Variants in DAOA observed in about 807,000 individuals in gnomAD.
The protein encoded by DAOA is D-amino acid oxidase regulator.
Under a neutral mutation model 16.4 loss-of-function variants are expected in DAOA, and 15 were observed. The ratio of observed to expected loss-of-function variants is 0.91; its 90% CI spans 0.61 to 1.41. The LOEUF is 1.41. DAOA is among the 40% of genes most tolerant of loss of function. DAOA has a pLI of 0.00. For synonymous variants in DAOA, 75 were observed against 59.1 expected (o/e 1.27, Z -1.23); for missense variants, 230 against 176.8 (o/e 1.30, Z -1.71).
At chr13:105,482,218 C>A (rs923618656) in intron 4 of DAOA, among the ~76,000 whole-genome samples, 5 of 152,158 alleles carry the variant, frequency 3.3e-5, no homozygotes, top group East Asian at 3.9e-4. Context: ...AGGGACACAG[C>A]CAAACCATAT....
At position 105,490,132 on chromosome 13, in the gene DAOA, G is replaced by C. The variant is rs1187299630; in HGVS notation, c.*51G>C. 1 of 1,515,244 alleles carries C rather than the reference G, an allele frequency of 6.6e-7. No homozygotes were observed. Among genetic ancestry groups the C allele is most frequent in the Non-Finnish European group, 8.9e-7 (1 of 1,126,682 alleles). The allele number at this position is 1,515,244 out of a possible 1,614,324, so 93.9% of individuals were successfully genotyped here. On this transcript the variant is annotated 3_prime_UTR_variant, in exon 5 of 6. Transcript: ENST00000375936. ...AATCCTTCTGATGACAATGTAGTCTGGCCAACATCTTCACTGGACTCTGAC... is the reference window on the plus strand; with the variant it reads ...AATCCTTCTGATGACAATGTAGTCTCGCCAACATCTTCACTGGACTCTGAC...
intron 3 of DAOA, among the ~76,000 whole-genome samples, chr13:105,471,090 T>G (rs142706064): frequency 1.3e-5 from 2 of 151,838 alleles, no homozygotes; most frequent in Non-Finnish European, 2.9e-5. Flanking sequence ...GCCCGGCCAA[T>G]TTTTTTGTAT....
Position 105,466,294 on chromosome 13 carries a change from G to A in DAOA, c.6G>A (p.Leu2=). M[L]EKLMGADSLQ... ...TTTAGCTGGGAGGACCCAAAATGCTGGAAAAGCTGATGGGTGCTGATTCTC... is the reference window on the plus strand; with the variant it reads ...TTTAGCTGGGAGGACCCAAAATGCTAGAAAAGCTGATGGGTGCTGATTCTC... Residue 2 remains leucine, a synonymous_variant, in exon 2 of 6, where the codon CTG becomes CTA. Coordinates refer to ENST00000375936, the MANE Select transcript of DAOA (RefSeq NM_172370.5). The A allele has an allele frequency of 6.2e-6, 10 of 1,613,994 alleles. No individual in the cohort carries two copies. The highest frequency in any genetic ancestry group is 7.6e-6 in the Non-Finnish European group (9 of 1,179,924).
chr13:105,486,938 G>A lies in DAOA; in HGVS notation c.282-2963G>A, dbSNP rs532708319. ...CCTGGCCTCAGTATTGACTATTTTC[G>A]TACAGCTTCTATTTCTTCATTTTCT... On this transcript the variant is annotated intron_variant, in intron 4 of 5. Coordinates refer to ENST00000375936, the MANE Select transcript of DAOA (RefSeq NM_172370.5). 6.4e-4 allele frequency among the ~76,000 whole-genome samples: 98 copies of A among 152,078 alleles called. 1 individual carries two copies. In the Middle Eastern group the frequency reaches 0.014, roughly 21 times the overall value.
chr13:105,479,633 C>A (rs532778181), intron 4 of DAOA, among the ~76,000 whole-genome samples: 1 of 152,270 alleles, frequency 6.6e-6, no homozygotes, highest in East Asian at 1.9e-4. Flanking sequence ...CTCTGCTCCT[C>A]TTCCTAGAAA....
At chr13:105,476,547 G>A (rs978062804) in intron 4 of DAOA, among the ~76,000 whole-genome samples, 1 of 150,004 alleles carries the variant, frequency 6.7e-6, no homozygotes, top group African/African-American at 2.5e-5. Flanking sequence ...CAAAAAGGGA[G>A]GTCCACAGGC....
chr13:105,466,293 T>C lies in DAOA; in HGVS notation c.5T>C (p.Leu2Pro), dbSNP rs573428108. The C allele has an allele frequency of 8.7e-6, 14 of 1,614,076 alleles. No homozygotes were observed. The East Asian group carries it at 3.1e-4, about 36-fold the overall frequency. M[L>P]EKLMGADSLQ... ...ATTTAGCTGGGAGGACCCAAAATGC[T>C]GGAAAAGCTGATGGGTGCTGATTCT... Residue 2 changes from leucine (L) to proline (P), a missense_variant, in exon 2 of 6, where the codon CTG (leucine) becomes CCG (proline). By Grantham distance (98) the Leu-to-Pro change is moderately conservative. Transcript: ENST00000375936.
intron 4 of DAOA, among the ~76,000 whole-genome samples, chr13:105,476,593 T>C (rs1877354347): frequency 6.6e-6 from 1 of 151,194 alleles, no homozygotes; most frequent in African/African-American, 2.4e-5. Flanking sequence ...GATGTGGGTG[T>C]AAAAAATGAG....
chr13:105,480,683 G>A (rs1302436678), intron 4 of DAOA, among the ~76,000 whole-genome samples: 2 of 152,080 alleles, frequency 1.3e-5, no homozygotes, highest in Non-Finnish European at 2.9e-5. Flanking sequence ...AGCCAATGGT[G>A]TAACTCTCAG....
At chr13:105,481,958 A>G (rs1401460181) in intron 4 of DAOA, among the ~76,000 whole-genome samples, 1 of 152,206 alleles carries the variant, frequency 6.6e-6, no homozygotes, top group Non-Finnish European at 1.5e-5. Context: ...TCACATTTCC[A>G]CATGGCTGAG....
chr13:105,478,968 T>C (rs1238146023), intron 4 of DAOA, among the ~76,000 whole-genome samples: 1 of 152,228 alleles, frequency 6.6e-6, no homozygotes, highest in Non-Finnish European at 1.5e-5. Flanking sequence ...GATTATCTCA[T>C]CAATTCATTT....
rs1240744353 is a variant in DAOA, at chr13:105,490,178, A to C, written c.*97A>C. ...CTGACGGACTCTGTGTCTGGGACCC[A>C]GCTGATAACACGTGGTAATATGTTT... On this transcript the variant is annotated 3_prime_UTR_variant, in exon 5 of 6. Coordinates refer to ENST00000375936, the MANE Select transcript of DAOA (RefSeq NM_172370.5). 3 of 1,370,478 alleles carry C rather than the reference A, an allele frequency of 2.2e-6. No homozygotes were observed. Among genetic ancestry groups the C allele is most frequent in the Non-Finnish European group, 1.9e-6 (2 of 1,049,884 alleles). The allele number at this position is 1,370,478 out of a possible 1,614,324, so 84.9% of individuals were successfully genotyped here. A position where few individuals can be genotyped will look rare whatever the true frequency, so the allele number is the denominator to read the frequency against.
intron 3 of DAOA, 39 bp from the exon 4 acceptor site, chr13:105,472,499 G>C (rs1877028463): frequency 6.3e-7 from 1 of 1,593,164 alleles, no homozygotes; most frequent in African/African-American, 1.4e-5. Context: ...ATGTGATAGA[G>C]TTAATATGTA....
At position 105,477,715 on chromosome 13, in the gene DAOA, C is replaced by A. The variant is rs186821168; in HGVS notation, c.281+5030C>A. On this transcript the variant is annotated intron_variant, in intron 4 of 5. Transcript: ENST00000375936. ...GTCCAGCCTGGGTGACAGAGCCAAA[C>A]AACCTATAAACTAAAACATTTAAAA... 3.9e-5 allele frequency among the ~76,000 whole-genome samples: 6 copies of A among 152,268 alleles called. No individual in the cohort carries two copies. In the East Asian group the frequency reaches 1.2e-3, roughly 29 times the overall value.
chr13:105,490,287 A>G (rs1032349717), intron 5 of DAOA, 95 bp downstream of exon 5: 1 of 516,876 alleles, frequency 1.9e-6, no homozygotes, highest in African/African-American at 2.0e-5. Context: ...ACACAATGAT[A>G]TAAACTAATA....
At chr13:105,472,829 T>G (rs1255416556) in intron 4 of DAOA, 144 bp downstream of exon 4, 1 of 621,108 alleles carries the variant, frequency 1.6e-6, no homozygotes, top group Non-Finnish European at 2.5e-6. Context: ...ATTATTTGTC[T>G]ATTACATAGG....
At chr13:105,477,922 T>G (rs1877449804) in intron 4 of DAOA, among the ~76,000 whole-genome samples, 1 of 152,216 alleles carries the variant, frequency 6.6e-6, no homozygotes, top group Admixed American at 6.5e-5. Flanking sequence ...AAAATTTCAT[T>G]AAAAATTTAT....
intron 4 of DAOA, chr13:105,474,948 G>A (rs1877233736): frequency 1.1e-6 from 1 of 873,436 alleles, no homozygotes; most frequent in Non-Finnish European, 1.4e-6. Context: ...TTCCCGTTCT[G>A]AACGAACATT....
chr13:105,489,000 A>G (rs1191955973), intron 4 of DAOA, among the ~76,000 whole-genome samples: 1 of 152,178 alleles, frequency 6.6e-6, no homozygotes, highest in Non-Finnish European at 1.5e-5. Flanking sequence ...GCTCTGATGA[A>G]TTAACGATTC....
Sources: gnomAD v4.1 joint callset for allele counts (sites outside exome capture counted in the v4.1 genomes callset) on GRCh38, gnomAD v4.1.1 for gene constraint, MANE v1.5 for transcripts, NCBI Gene and HGNC (gene_info 2026-07-23, HGNC 2026-07-21) for gene names.